The following GYS1 variants were observed in gnomAD, a reference collection of about 807,000 sequenced individuals.
GYS1 encodes glycogen [starch] synthase, muscle.
In GYS1, 60 loss-of-function variants were observed where a neutral mutation model predicts 89.1. That is an observed-to-expected ratio of 0.67 (90% confidence interval 0.55 to 0.84). The LOEUF is 0.84. GYS1 is among the 40% of genes least tolerant of loss of function. GYS1 has a pLI of 0.00. For missense variants in GYS1, 888 were observed against 1,003.1 expected (o/e 0.89, Z 1.55); for synonymous variants, 366 against 401.7 (o/e 0.91, Z 1.06).
At chr19:48,979,319 T>TTTTTCTTTTTTC (rs1162518372) in intron 8 of GYS1, among the ~76,000 whole-genome samples, 2 of 146,676 alleles carry the variant, frequency 1.4e-5, no homozygotes, top group Admixed American at 1.4e-4. Flanking sequence ...TCTTTGTCTC[T>TTTTTCTTTTTTC]TTTTCTTTTT....
rs557341684 is a variant in GYS1, at chr19:48,978,826, C to T, written c.1170-669G>A. Among the ~76,000 whole-genome samples, 12 of 152,290 alleles carry T rather than the reference C, an allele frequency of 7.9e-5. No homozygotes were observed. In the South Asian group the frequency reaches 2.5e-3, roughly 32 times the overall value. On this transcript the variant is annotated intron_variant, in intron 8 of 15. Transcript: ENST00000323798. Reference sequence around the variant, plus strand: ...CTGGAATTACAGGCATGAGCTGCCGCGCCCAGCTACCCTTAGGTTTCTAGG... The same window carrying T: ...CTGGAATTACAGGCATGAGCTGCCGTGCCCAGCTACCCTTAGGTTTCTAGG...
At chr19:48,976,058 A>G (rs2038644749) in intron 10 of GYS1, among the ~76,000 whole-genome samples, 1 of 152,020 alleles carries the variant, frequency 6.6e-6, no homozygotes, top group Non-Finnish European at 1.5e-5. Context: ...TGGGGTGTAT[A>G]GTTCTTAGCA....
Position 48,969,533 on chromosome 19 carries a change from T to A in GYS1, c.1969A>T (p.Ser657Cys). Residue 657 changes from serine to cysteine, a missense_variant, in exon 16 of 16, where the codon AGT (serine) becomes TGT (cysteine). By Grantham distance (112) the Ser-to-Cys change is moderately radical. Coordinates refer to ENST00000323798, the MANE Select transcript of GYS1 (RefSeq NM_002103.5). ...SLSRHSSPHQ[S>C]EDEEDPRNGP... ...TTCCGGGGATCCTCCTCGTCCTCAC[T>A]CTGGTGCGGGCTGGAGTGTCGTGAC... 4 of 1,542,366 alleles carry A rather than the reference T, an allele frequency of 2.6e-6. No homozygotes were observed. Among genetic ancestry groups the A allele is most frequent in the Non-Finnish European group, 3.5e-6 (4 of 1,146,850 alleles).
intron 2 of GYS1, among the ~76,000 whole-genome samples, chr19:48,988,296 C>T (rs968053992): frequency 1.3e-5 from 2 of 152,136 alleles, no homozygotes; most frequent in African/African-American, 4.8e-5. Flanking sequence ...CTGCATCTCC[C>T]ACTGTCTTTT....
chr19:48,993,143 C>T lies in GYS1; in HGVS notation c.-31G>A, dbSNP rs1321136639. ...GCGCAGGAAGGGGGGCTCCGGGGATCTCCAGGTAGGGACCCCGGAGGTGTC... is the reference window on the plus strand; with the variant it reads ...GCGCAGGAAGGGGGGCTCCGGGGATTTCCAGGTAGGGACCCCGGAGGTGTC... On this transcript the variant is annotated 5_prime_UTR_variant, in exon 1 of 16. Coordinates refer to ENST00000323798, the MANE Select transcript of GYS1 (RefSeq NM_002103.5). The T allele has an allele frequency of 2.4e-6, 3 of 1,274,760 alleles. No homozygotes were observed. Among genetic ancestry groups the T allele is most frequent in the East Asian group, 2.3e-5 (1 of 43,314 alleles). 79.0% of individuals were successfully genotyped at this position (1,274,760 alleles called of 1,614,324 possible). A position where few individuals can be genotyped will look rare whatever the true frequency, so the allele number is the denominator to read the frequency against.
chr19:48,976,614 T>A (rs1167434422), intron 10 of GYS1, among the ~76,000 whole-genome samples: 1 of 152,128 alleles, frequency 6.6e-6, no homozygotes, highest in East Asian at 1.9e-4. Flanking sequence ...TTTGCTCACC[T>A]CCTGACTGCG....
In GYS1 at chr19:48,968,647, T is replaced by C. The variant is rs776859932; in HGVS notation, c.*641A>G. 6.6e-6 allele frequency: 3 copies of C among 454,198 alleles called. No homozygotes were observed. 28.1% of individuals were successfully genotyped at this position (454,198 alleles called of 1,614,324 possible). ...GCCAAGTGGTTCTACCACCTCTTGC[T>C]TGGCCAAAGTGTAGGGGATGACAGG... is the stretch of plus-strand genomic sequence containing the variant. On this transcript the variant is annotated 3_prime_UTR_variant, in exon 16 of 16. Transcript: ENST00000323798.
chr19:48,992,936 C>T (rs1414779741), intron 1 of GYS1, 59 bp downstream of exon 1: 4 of 956,314 alleles, frequency 4.2e-6, no homozygotes, highest in South Asian at 3.8e-5. Flanking sequence ...ACTCAGAGTT[C>T]CGGGCCCCCA....
In GYS1 at chr19:48,974,716, A is replaced by AG. The variant is rs751494565; in HGVS notation, c.1325dup (p.Val443CysfsTer9). The AG allele has an allele frequency of 1.2e-6, 2 of 1,612,990 alleles. No individual in the cohort carries two copies. The highest frequency in any genetic ancestry group is 1.7e-6 in the Non-Finnish European group (2 of 1,179,136). ...CATCCAGCATATTGTGGGTGCACAC[A>AG]GGGGGGAAAGACTGCCGCTGCAGGA... On this transcript the variant is annotated frameshift_variant, in exon 11 of 16. Coordinates refer to ENST00000323798, the MANE Select transcript of GYS1 (RefSeq NM_002103.5). LOFTEE classifies it high-confidence loss of function.
chr19:48,969,979 T>A (rs957513115), intron 14 of GYS1, 124 bp from the exon 15 acceptor site: 1 of 690,580 alleles, frequency 1.4e-6, no homozygotes, highest in Non-Finnish European at 2.6e-6. Flanking sequence ...ATACAAATAA[T>A]CCATCTATCT....
chr19:48,978,218 TTTAG>T lies in GYS1; in HGVS notation c.1170-65_1170-62del, dbSNP rs367953320. The T allele has an allele frequency of 3.6e-5, 48 of 1,352,086 alleles. No homozygotes were observed. In the Middle Eastern group the frequency reaches 2.2e-3, roughly 63 times the overall value. The allele number at this position is 1,352,086 out of a possible 1,614,324, so 83.8% of individuals were successfully genotyped here. On this transcript the variant is annotated intron_variant, in intron 8 of 15. Transcript: ENST00000323798. ...CAGCTGCCATTTACTGTTAGGCTTC[TTTAG>T]TTAGTTTGTTTGTTTATTTTGAGAC...
chr19:48,978,193 C>T lies in GYS1; in HGVS notation c.1170-36G>A, dbSNP rs775489531. ...CAGAGCAACAGGGTCACATACACACCAGCTGCCATTTACTGTTAGGCTTCT... is the reference window on the plus strand; with the variant it reads ...CAGAGCAACAGGGTCACATACACACTAGCTGCCATTTACTGTTAGGCTTCT... On this transcript the variant is annotated intron_variant, in intron 8 of 15. Transcript: ENST00000323798. 13 of 1,542,026 alleles carry T rather than the reference C, an allele frequency of 8.4e-6. No homozygotes were observed. In the African/African-American group the frequency reaches 1.6e-4, roughly 19 times the overall value.
At chr19:48,974,160 C>G in intron 12 of GYS1, 53 bp downstream of exon 12, 1 of 1,549,684 alleles carries the variant, frequency 6.5e-7, no homozygotes, top group Non-Finnish European at 8.7e-7. Flanking sequence ...CCAAGACATG[C>G]TAGCTCTGAC....
At chr19:48,970,193 A>G (rs930819851) in intron 14 of GYS1, 8 of 463,008 alleles carry the variant, frequency 1.7e-5, no homozygotes, top group African/African-American at 1.2e-4. Context: ...GGTTTGAACA[A>G]GGCTCACTGC....
At chr19:48,978,565 T>A (rs924443319) in intron 8 of GYS1, among the ~76,000 whole-genome samples, 1 of 143,502 alleles carries the variant, frequency 7.0e-6, no homozygotes, top group Admixed American at 7.1e-5. Context: ...ACAGAGTTAC[T>A]CTGTCGTCCA....
At position 48,977,944 on chromosome 19, in the gene GYS1, T is replaced by C; in HGVS notation, c.1288A>G (p.Arg430Gly). 3.1e-6 allele frequency: 5 copies of C among 1,613,874 alleles called. No individual in the cohort carries two copies. Among genetic ancestry groups the C allele is most frequent in the Non-Finnish European group, 4.2e-6 (5 of 1,179,770 alleles). ...LDKEDFTMMK[R>G]AIFATQRQSF... ...CATACCTGCGTTGCAAAGATGGCTCTCTTCATCATAGTGAAGTCTTCCTTA... is the reference window on the plus strand; with the variant it reads ...CATACCTGCGTTGCAAAGATGGCTCCCTTCATCATAGTGAAGTCTTCCTTA... Residue 430 changes from arginine (R) to glycine (G), a missense_variant, in exon 10 of 16, where the codon AGA (arginine) becomes GGA (glycine). Coordinates refer to ENST00000323798, the MANE Select transcript of GYS1 (RefSeq NM_002103.5).
rs1251148965 is a variant in GYS1, at chr19:48,968,481, G to C, written c.*807C>G. ...GCCAGGTTAGGGGTGGGGGAAGACA[G>C]CCAGCTCTGTCCTCTGCAGGCGGAT... is the stretch of plus-strand genomic sequence containing the variant. On this transcript the variant is annotated 3_prime_UTR_variant, in exon 16 of 16. Transcript: ENST00000323798. The C allele has an allele frequency of 2.2e-6, 1 of 454,480 alleles. No homozygotes were observed. The highest frequency in any genetic ancestry group is 2.0e-5 in the African/African-American group (1 of 50,016). 28.2% of individuals were successfully genotyped at this position (454,480 alleles called of 1,614,324 possible). A position where few individuals can be genotyped will look rare whatever the true frequency, so the allele number is the denominator to read the frequency against.
At chr19:48,978,247 C>G (rs112516585) in intron 8 of GYS1, 90 bp from the exon 9 acceptor site, 1 of 1,152,014 alleles carries the variant, frequency 8.7e-7, no homozygotes, top group African/African-American at 1.5e-5. Context: ...TATTTTGAGA[C>G]GGAGTTTGGC....
intron 8 of GYS1, among the ~76,000 whole-genome samples, chr19:48,978,825 G>T (rs1437859305): frequency 6.6e-6 from 1 of 152,230 alleles, no homozygotes; most frequent in African/African-American, 2.4e-5. Flanking sequence ...ATGAGCTGCC[G>T]CGCCCAGCTA....
Sources: allele counts gnomAD v4.1 joint callset (sites outside exome capture counted in the v4.1 genomes callset), GRCh38; gene constraint gnomAD v4.1.1; transcripts MANE v1.5; gene names NCBI Gene and HGNC (gene_info 2026-07-23, HGNC 2026-07-21).